MYO7B: variants seen among roughly 807,000 people sequenced by gnomAD.
The protein encoded by MYO7B is myosin VIIB.
In MYO7B, 212 loss-of-function variants were observed where a neutral mutation model predicts 259.7. The ratio of observed to expected loss-of-function variants is 0.82; its 90% confidence interval spans 0.73 to 0.91. MYO7B has a LOEUF of 0.91. MYO7B is among the 40% of genes least tolerant of loss of function. The pLI, the probability that MYO7B is intolerant of heterozygous loss-of-function variation, is 0.00. For missense variants in MYO7B, 2,732 were observed against 2,813.5 expected (o/e 0.97, Z 0.66); for synonymous variants, 1,197 against 1,166.4 (o/e 1.03, Z -0.54).
In MYO7B at chr2:127,582,417, A is replaced by G; in HGVS notation, c.1314A>G (p.Ile438Met). 1.2e-6 allele frequency: 2 copies of G among 1,613,298 alleles called. No homozygotes were observed. The highest frequency in any genetic ancestry group is 1.7e-6 in the Non-Finnish European group (2 of 1,179,690). ...NVRRAIGLLD[I>M]FGFENFENNS... is the part of the protein sequence containing the mutation. Reference sequence around the variant, plus strand: ...GGAGGGCCATCGGCCTCCTGGACATATTTGGCTTTGAAAATTTCGAGAACA... The same window carrying G: ...GGAGGGCCATCGGCCTCCTGGACATGTTTGGCTTTGAAAATTTCGAGAACA... The change falls in exon 12 of 48, where the codon ATA becomes ATG. Residue 438 changes from isoleucine to methionine, a missense_variant. Around this residue, in one of 3 missense-constraint regions of MYO7B, gnomAD observed 1,906 missense variants for 2,026.4 expected, o/e 0.94. Coordinates refer to ENST00000409816, the MANE Select transcript of MYO7B (RefSeq NM_001393586.1).
chr2:127,589,537 G>T (rs1350106794), intron 15 of MYO7B, among the ~76,000 whole-genome samples: 4 of 144,892 alleles, frequency 2.8e-5, no homozygotes, highest in African/African-American at 1.0e-4. Context: ...CCTTAGTGGG[G>T]CCATGGGTGG....
chr2:127,543,739 C>CAT (rs145974762), intron 1 of MYO7B, among the ~76,000 whole-genome samples: 7 of 120,472 alleles, frequency 5.8e-5, no homozygotes, highest in Non-Finnish European at 8.3e-5. Flanking sequence ...TCTCTCTCTC[C>CAT]ATATATATAT....
In MYO7B at chr2:127,630,985, C is replaced by T. The variant is rs1489617551; in HGVS notation, c.4937+77C>T. ...CTCACCTCATTGCACCCCCTGCTCC[C>T]AGCCCCGCTCCACCTCATTGCACCC... On this transcript the variant is annotated intron_variant, in intron 36 of 47. Coordinates refer to ENST00000409816, the MANE Select transcript of MYO7B (RefSeq NM_001393586.1). 8.3e-6 allele frequency: 12 copies of T among 1,452,196 alleles called. No homozygotes were observed. In the South Asian group the frequency reaches 1.2e-4, roughly 14 times the overall value. 90.0% of individuals were successfully genotyped at this position (1,452,196 alleles called of 1,614,324 possible). A position where few individuals can be genotyped will look rare whatever the true frequency, so the allele number is the denominator to read the frequency against.
rs1264708546 is a variant in MYO7B at position 127,635,880 on chromosome 2, C to G, written c.5979C>G (p.Arg1993=). ...AACTGGTGCCTGAGAACCTCACACG[C>G]CTGATGTCCTCGGAGGAGTGGAAAA... ...LRELVPENLT[R]LMSSEEWKKS... is the part of the protein sequence containing the mutation. The change falls in exon 44 of 48, where the codon CGC becomes CGG. Residue 1993 remains arginine (R), a synonymous_variant. Coordinates refer to ENST00000409816, the MANE Select transcript of MYO7B (RefSeq NM_001393586.1). 6.3e-7 allele frequency: 1 copy of G among 1,579,684 alleles called. No individual in the cohort carries two copies. Among genetic ancestry groups the G allele is most frequent in the East Asian group, 2.3e-5 (1 of 42,686 alleles).
At chr2:127,612,716 G>A in intron 26 of MYO7B, 113 bp downstream of exon 26, 2 of 1,455,546 alleles carry the variant, frequency 1.4e-6, no homozygotes, top group African/African-American at 1.4e-5. Context: ...TTGTCCTGCG[G>A]CCTGCAGGCT....
At position 127,628,580 on chromosome 2, in the gene MYO7B, A is replaced by AG. The variant is rs1681287592; in HGVS notation, c.4624+48dup. On this transcript the variant is annotated intron_variant, in intron 34 of 47. Coordinates refer to ENST00000409816, the MANE Select transcript of MYO7B (RefSeq NM_001393586.1). This position sits in a 1 kb window ranked among gnomAD's most constrained non-coding sequence, Gnocchi z 4.8. ...GGGGTGGGGTGGGGTGGGGTGGGGG[A>AG]GGGCCGCGCATGGGGTCTGTAGGTA... The AG allele has an allele frequency of 3.8e-6, 3 of 789,548 alleles. No homozygotes were observed. Among genetic ancestry groups the AG allele is most frequent in the Non-Finnish European group, 5.7e-6 (3 of 529,080 alleles). 48.9% of individuals were successfully genotyped at this position (789,548 alleles called of 1,614,324 possible). A position where few individuals can be genotyped will look rare whatever the true frequency, so the allele number is the denominator to read the frequency against.
At chr2:127,587,642 C>T (rs1679355300) in intron 14 of MYO7B, among the ~76,000 whole-genome samples, 1 of 148,382 alleles carries the variant, frequency 6.7e-6, no homozygotes, top group Non-Finnish European at 1.5e-5. Flanking sequence ...GATCTCAGCT[C>T]ACTGCAACCT....
intron 1 of MYO7B, among the ~76,000 whole-genome samples, chr2:127,552,124 A>G (rs1171995884): frequency 1.3e-5 from 2 of 152,098 alleles, no homozygotes; most frequent in African/African-American, 4.8e-5. Flanking sequence ...TGGCATTTGG[A>G]AAAAAAAGTG....
At chr2:127,554,678 T>C (rs1422986315) in intron 1 of MYO7B, among the ~76,000 whole-genome samples, 1 of 152,220 alleles carries the variant, frequency 6.6e-6, no homozygotes, top group Non-Finnish European at 1.5e-5. Context: ...GAATGTCTGG[T>C]AGAATTCAGC....
chr2:127,633,901 G>A (rs917287652), intron 40 of MYO7B, among the ~76,000 whole-genome samples: 7 of 152,156 alleles, frequency 4.6e-5, no homozygotes, highest in African/African-American at 1.7e-4. Flanking sequence ...CTTGATATTC[G>A]GGTCCCGGTA....
intron 38 of MYO7B, among the ~76,000 whole-genome samples, chr2:127,631,992 C>T (rs1222950488): frequency 1.3e-5 from 2 of 152,252 alleles, no homozygotes; most frequent in Non-Finnish European, 2.9e-5. Context: ...ACCTGGCAGG[C>T]CATGACCTCT....
At chr2:127,632,175 G>T in intron 38 of MYO7B, 71 bp from the exon 39 acceptor site, 1 of 1,522,652 alleles carries the variant, frequency 6.6e-7, no homozygotes, top group South Asian at 1.2e-5. Flanking sequence ...ATCCGTCCCT[G>T]CTCCCCAAGG....
intron 5 of MYO7B, 115 bp from the exon 6 acceptor site, chr2:127,569,674 G>T (rs1453459544): frequency 1.1e-5 from 15 of 1,344,218 alleles, no homozygotes; most frequent in African/African-American, 1.5e-5. Flanking sequence ...GCAGGGGAGA[G>T]GCCATCCCTG....
At chr2:127,562,581 G>A (rs368429487) in intron 2 of MYO7B, among the ~76,000 whole-genome samples, 8 of 146,880 alleles carry the variant, frequency 5.4e-5, no homozygotes, top group African/African-American at 9.9e-5. Flanking sequence ...TCTGCCTCCC[G>A]GGTTCAAGCA....
chr2:127,565,331 C>G lies in MYO7B; in HGVS notation c.231C>G (p.Asn77Lys). The change falls in exon 4 of 48, where the codon AAC becomes AAG. Residue 77 changes from asparagine to lysine, a missense_variant. By Grantham distance (94) the Asn-to-Lys change is moderately conservative. Around this residue, in one of 3 missense-constraint regions of MYO7B, gnomAD observed 1,906 missense variants for 2,026.4 expected, o/e 0.94. Transcript: ENST00000409816. ...VDDMIRLGDLNEAGMVHNLLI... is the reference protein window; with the variant it reads ...VDDMIRLGDLKEAGMVHNLLI... ...ACATGATCCGCCTGGGGGACCTGAACGAGGCAGGCATGGTGCACAACCTCC... is the reference window on the plus strand; with the variant it reads ...ACATGATCCGCCTGGGGGACCTGAAGGAGGCAGGCATGGTGCACAACCTCC... The G allele has an allele frequency of 1.9e-6, 3 of 1,614,042 alleles. No homozygotes were observed. In the South Asian group the frequency reaches 3.3e-5, roughly 18 times the overall value.
chr2:127,551,292 C>T (rs1028841081), intron 1 of MYO7B, among the ~76,000 whole-genome samples: 32 of 152,168 alleles, frequency 2.1e-4, no homozygotes, highest in South Asian at 8.3e-4. Flanking sequence ...ATAAAATTGT[C>T]GTCACAATGT....
At position 127,626,910 on chromosome 2, in the gene MYO7B, G is replaced by A. The variant is rs984312565; in HGVS notation, c.4216-65G>A. 5.7e-6 allele frequency: 8 copies of A among 1,402,550 alleles called. No individual in the cohort carries two copies. The Admixed American group carries it at 1.2e-4, about 21-fold the overall frequency. 86.9% of individuals were successfully genotyped at this position (1,402,550 alleles called of 1,614,324 possible). ...GGATCCATCAACTCTTTTACCCTGA[G>A]CACTAGGTGAGGGATTCACTAGGGA... On this transcript the variant is annotated intron_variant, in intron 31 of 47. Coordinates refer to ENST00000409816, the MANE Select transcript of MYO7B (RefSeq NM_001393586.1).
Position 127,628,572 on chromosome 2 carries a change from G to A in MYO7B, c.4624+37G>A, listed in dbSNP as rs1284792292. ...GGTGGGGTGGGGTGGGGTGGGGTGG[G>A]GTGGGGGAGGGCCGCGCATGGGGTC... On this transcript the variant is annotated intron_variant, in intron 34 of 47. Transcript: ENST00000409816. This position sits in a 1 kb window ranked among gnomAD's most constrained non-coding sequence, Gnocchi z 4.8. 1.6e-6 allele frequency: 2 copies of A among 1,280,062 alleles called. No individual in the cohort carries two copies. The highest frequency in any genetic ancestry group is 1.4e-5 in the South Asian group (1 of 73,362). The allele number at this position is 1,280,062 out of a possible 1,614,324, so 79.3% of individuals were successfully genotyped here.
At chr2:127,634,824 G>A (rs1486871757) in intron 42 of MYO7B, 141 bp downstream of exon 42, 6 of 824,412 alleles carry the variant, frequency 7.3e-6, no homozygotes, top group Non-Finnish European at 1.2e-5. Context: ...CCAGGCCCTG[G>A]GGCCCGGCGG....
Sources: gnomAD v4.1 joint callset for allele counts (sites outside exome capture counted in the v4.1 genomes callset) on GRCh38, gnomAD v4.1.1 for gene constraint, gnomAD v4.1.1 regional missense constraint, Gnocchi (gnomAD v3.1) non-coding constraint, MANE v1.5 for transcripts, NCBI Gene and HGNC (gene_info 2026-07-23, HGNC 2026-07-21) for gene names.